The following SP100 variants were observed in gnomAD, a reference collection of about 807,000 sequenced individuals.
The protein encoded by SP100 is SP100 nuclear body protein.
SP100 carries 84 observed loss-of-function variants against 130.0 expected under a neutral mutation model. The observed-to-expected ratio is 0.65, with a 90% CI of 0.54 to 0.77. The LOEUF is 0.77. SP100 is among the 30% of genes least tolerant of loss of function. The pLI, the probability that SP100 is intolerant of heterozygous loss-of-function variation, is 0.00. For synonymous variants in SP100, 331 were observed against 351.7 expected, an observed-to-expected ratio of 0.94 and a Z score of 0.66; for missense variants, 978 against 1,052.2, an observed-to-expected ratio of 0.93 and a Z score of 0.97.
At chr2:230,478,156 A>G (rs1052492196) in intron 17 of SP100, among the ~76,000 whole-genome samples, 2 of 152,186 alleles carry the variant, frequency 1.3e-5, no homozygotes, top group Non-Finnish European at 2.9e-5. Context: ...TTTAAATGAG[A>G]CAAGACTCTC....
chr2:230,447,706 C>G (rs901878618), intron 5 of SP100, among the ~76,000 whole-genome samples: 3 of 152,230 alleles, frequency 2.0e-5, no homozygotes, highest in Non-Finnish European at 4.4e-5. Flanking sequence ...GGACACGACT[C>G]TCCTGGCACT....
chr2:230,448,711 T>C (rs1300400029), intron 5 of SP100, among the ~76,000 whole-genome samples: 1 of 151,914 alleles, frequency 6.6e-6, no homozygotes, highest in African/African-American at 2.4e-5. Context: ...GAGGGTGTTG[T>C]GTGAAAGGGG....
At chr2:230,488,644 ACCT>A (rs1336046714) in intron 17 of SP100, among the ~76,000 whole-genome samples, 1 of 152,114 alleles carries the variant, frequency 6.6e-6, no homozygotes, top group Non-Finnish European at 1.5e-5. Flanking sequence ...CAATCTCCTG[ACCT>A]CATGATCCAA....
intron 4 of SP100, 142 bp downstream of exon 4, chr2:230,444,488 C>A: frequency 1.5e-6 from 1 of 665,096 alleles, no homozygotes; most frequent in African/African-American, 1.8e-5. Flanking sequence ...CATGAGTCTT[C>A]TCTTAGCTCA....
chr2:230,513,009 G>A lies in SP100; in HGVS notation c.2094+1843G>A, dbSNP rs142022694. On this transcript the variant is annotated intron_variant, in intron 24 of 28. Transcript: ENST00000340126. ...TGATCTGACAGGAGGTGGAGCTCAG[G>A]CAGCAATGCCAGCAATGGGGAGCTG... Among the ~76,000 whole-genome samples, 168 of 152,306 alleles carry A rather than the reference G, an allele frequency of 1.1e-3. 1 individual carries two copies. In the East Asian group the frequency reaches 0.027, roughly 25 times the overall value.
chr2:230,421,364 C>T (rs951490553), intron 2 of SP100, among the ~76,000 whole-genome samples: 1 of 152,150 alleles, frequency 6.6e-6, no homozygotes, highest in Non-Finnish European at 1.5e-5. Flanking sequence ...GCTTCCAAGG[C>T]TGACCTTGAA....
chr2:230,504,399 G>A (rs965726283), intron 21 of SP100, 109 bp downstream of exon 21: 15 of 611,322 alleles, frequency 2.5e-5, no homozygotes, highest in Non-Finnish European at 8.7e-6. Flanking sequence ...CCAGCCCCAG[G>A]CTTGAAGATT....
intron 17 of SP100, among the ~76,000 whole-genome samples, chr2:230,488,885 T>C (rs193075977): frequency 1.3e-5 from 2 of 151,890 alleles, no homozygotes; most frequent in Non-Finnish European, 2.9e-5. Context: ...TTGATCATGA[T>C]GGATATGTTT....
intron 15 of SP100, chr2:230,470,463 C>A: frequency 1.0e-6 from 1 of 969,016 alleles, no homozygotes; most frequent in Non-Finnish European, 1.2e-6. Context: ...TGTAAAGCCT[C>A]AAAAGACAAC....
intron 2 of SP100, among the ~76,000 whole-genome samples, chr2:230,425,290 A>G (rs1236985192): frequency 2.0e-5 from 3 of 152,064 alleles, no homozygotes; most frequent in African/African-American, 4.8e-5. Context: ...TTTAACCAAC[A>G]TTTCCCCATT....
At chr2:230,495,656 C>G (rs2066630196) in intron 18 of SP100, among the ~76,000 whole-genome samples, 1 of 152,216 alleles carries the variant, frequency 6.6e-6, no homozygotes. Context: ...AAAGACGTGA[C>G]AGTCCATTCT....
intron 24 of SP100, among the ~76,000 whole-genome samples, chr2:230,514,783 G>A (rs959550390): frequency 2.0e-5 from 3 of 152,206 alleles, no homozygotes; most frequent in African/African-American, 7.2e-5. Context: ...CCAAGCCAAG[G>A]ATTTATCATC....
chr2:230,515,443 A>G (rs1161077984), intron 24 of SP100: 1 of 1,613,776 alleles, frequency 6.2e-7, no homozygotes, highest in African/African-American at 1.3e-5. Context: ...TGCAGCTGAC[A>G]AGCAGTTTTA....
chr2:230,534,836 TA>T (rs2150111502), intron 24 of SP100, among the ~76,000 whole-genome samples: 1 of 152,162 alleles, frequency 6.6e-6, no homozygotes, highest in South Asian at 2.1e-4. Flanking sequence ...ACTGTGTCTT[TA>T]ACTATGGCTT....
chr2:230,533,900 T>C (rs1339384836), intron 24 of SP100, among the ~76,000 whole-genome samples: 4 of 152,218 alleles, frequency 2.6e-5, no homozygotes, highest in African/African-American at 9.6e-5. Flanking sequence ...TATAAGGTTT[T>C]AAAAATTACT....
At chr2:230,541,075 A>G (rs750141842) in intron 26 of SP100, 79 bp downstream of exon 26, 1 of 1,526,170 alleles carries the variant, frequency 6.6e-7, no homozygotes, top group Non-Finnish European at 8.9e-7. Context: ...AAAGTGCTCA[A>G]GGAATGGAGC....
intron 4 of SP100, among the ~76,000 whole-genome samples, chr2:230,445,835 T>C (rs2063688179): frequency 6.6e-6 from 1 of 152,106 alleles, no homozygotes; most frequent in African/African-American, 2.4e-5. Context: ...ACTCACGTCT[T>C]AGTTTCTGGC....
Position 230,468,678 on chromosome 2 carries a change from G to A in SP100, c.1292-365G>A, listed in dbSNP as rs368221862. Among the ~76,000 whole-genome samples, 107 of 151,988 alleles carry A rather than the reference G, an allele frequency of 7.0e-4. 3 individuals carry two copies. In the East Asian group the frequency reaches 0.013, roughly 18 times the overall value. ...AAAATGCAAAAAATTAGCTGGGCAT[G>A]GTGGTGGTGCATGCCTGTAGTCCCA... On this transcript the variant is annotated intron_variant, in intron 13 of 28. Transcript: ENST00000340126.
chr2:230,505,548 T>C (rs1426628907), intron 21 of SP100, among the ~76,000 whole-genome samples: 1 of 152,086 alleles, frequency 6.6e-6, no homozygotes, highest in Non-Finnish European at 1.5e-5. Flanking sequence ...ATAATATAAC[T>C]TGCCTCACTG....
Sources: allele counts gnomAD v4.1 joint callset (sites outside exome capture counted in the v4.1 genomes callset), GRCh38; gene constraint gnomAD v4.1.1; transcripts MANE v1.5; gene names NCBI Gene and HGNC (gene_info 2026-07-23, HGNC 2026-07-21).